ABL1: variants seen among roughly 807,000 people sequenced by gnomAD.
The protein encoded by ABL1 is tyrosine-protein kinase ABL1.
A neutral mutation model predicts 94.7 loss-of-function variants in ABL1; 11 were observed. The ratio of observed to expected loss-of-function variants is 0.12; its 90% CI spans 0.07 to 0.19. The LOEUF is 0.19. Ranked by LOEUF, ABL1 falls within the 10% of genes least tolerant of loss-of-function variation. The pLI, the probability that ABL1 is intolerant of heterozygous loss-of-function variation, is 1.00. For missense variants in ABL1, 1,082 were observed against 1,489.4 expected, an observed-to-expected ratio of 0.73 and a Z score of 4.50; for synonymous variants, 656 against 622.4, an observed-to-expected ratio of 1.05 and a Z score of -0.80.
intron 4 of ABL1, among the ~76,000 whole-genome samples, chr9:130,871,318 C>T (rs1300932117): frequency 1.3e-5 from 2 of 152,216 alleles, no homozygotes; most frequent in African/African-American, 4.8e-5. Context: ...CCCCAGGGCT[C>T]AGTGCCACGG....
At chr9:130,772,835 A>G (rs1208282324) in intron 1 of ABL1, among the ~76,000 whole-genome samples, 1 of 152,242 alleles carries the variant, frequency 6.6e-6, no homozygotes, top group Admixed American at 6.5e-5. Flanking sequence ...CATGATAGAC[A>G]AACTTTAGGG....
At chr9:130,876,403 T>G (rs1016168383) in intron 7 of ABL1, among the ~76,000 whole-genome samples, 2 of 135,922 alleles carry the variant, frequency 1.5e-5, no homozygotes, top group Non-Finnish European at 3.0e-5. Flanking sequence ...AATAACAAAT[T>G]ACTTTTTCTT....
rs71389345 is a variant in ABL1, at chr9:130,750,644, C to CTTTTTTTTTT, written c.136+36200_136+36209dup. Among the ~76,000 whole-genome samples the CTTTTTTTTTT allele has an allele frequency of 6.3e-4, 55 of 87,286 alleles. 1 individual carries two copies. Among genetic ancestry groups the CTTTTTTTTTT allele is most frequent in the Admixed American group, 9.7e-4 (6 of 6,192 alleles). 57.3% of individuals were successfully genotyped at this position (87,286 alleles called of 152,430 possible). A position where few individuals can be genotyped will look rare whatever the true frequency, so the allele number is the denominator to read the frequency against. On this transcript the variant is annotated intron_variant, in intron 1 of 10. Coordinates refer to the ABL1 transcript ENST00000372348. ...TTCTTTTTCTTTTTTCTTTTTCTTT[C>CTTTTTTTTTT]TTTTTTTTTTTTTTTTTTTTGAGAC...
intron 1 of ABL1, among the ~76,000 whole-genome samples, chr9:130,761,262 C>T (rs1314533706): frequency 2.0e-5 from 3 of 152,102 alleles, no homozygotes; most frequent in African/African-American, 7.2e-5. Flanking sequence ...CCACTGCGCC[C>T]GGCCTATTTC....
intron 1 of ABL1, among the ~76,000 whole-genome samples, chr9:130,737,401 G>A (rs1428869603): frequency 6.6e-6 from 1 of 151,882 alleles, no homozygotes; most frequent in Non-Finnish European, 1.5e-5. Context: ...CCAAATAGCT[G>A]GGACTACACG....
intron 1 of ABL1, among the ~76,000 whole-genome samples, chr9:130,806,163 A>G (rs1238782691): frequency 1.3e-5 from 2 of 152,226 alleles, no homozygotes; most frequent in Non-Finnish European, 1.5e-5. Context: ...CACCAGGTAG[A>G]ATCCCAGCAA....
chr9:130,716,073 T>C (rs1465629605), intron 1 of ABL1, among the ~76,000 whole-genome samples: 7 of 10,674 alleles, frequency 6.6e-4, no homozygotes, highest in Admixed American at 5.9e-3. Context: ...AAAAATGTCC[T>C]TTTTTTTTTT....
intron 3 of ABL1, among the ~76,000 whole-genome samples, chr9:130,859,971 T>A (rs536949689): frequency 4.6e-5 from 7 of 152,224 alleles, no homozygotes; most frequent in East Asian, 1.9e-4. Flanking sequence ...GAGCCACTGC[T>A]CCTGGCAAAA....
In ABL1 at chr9:130,885,180, C is replaced by T; in HGVS notation, c.2890C>T (p.Pro964Ser). The change falls in exon 11 of 11, where the codon CCA becomes TCA. Residue 964 changes from proline (P) to serine (S), a missense_variant. Physicochemically the swap from Pro to Ser is moderately conservative, Grantham distance 74. Around this residue, in one of 7 missense-constraint regions of ABL1, gnomAD observed 780 missense variants for 835.8 expected, o/e 0.93. Transcript: ENST00000318560. ...CAAAAAGCCCGTGCTCCCGGCCACT[C>T]CAAAGCCACAGTCCGCCAAGCCGTC... Reference protein sequence around the residue: ...GLKKPVLPATPKPQSAKPSGT... With the variant: ...GLKKPVLPATSKPQSAKPSGT... 1 of 1,613,498 alleles carries T rather than the reference C, an allele frequency of 6.2e-7. No homozygotes were observed. Among genetic ancestry groups the T allele is most frequent in the South Asian group, 1.1e-5 (1 of 91,078 alleles).
At chr9:130,761,189 G>A (rs1170193188) in intron 1 of ABL1, among the ~76,000 whole-genome samples, 4 of 152,066 alleles carry the variant, frequency 2.6e-5, no homozygotes, top group Non-Finnish European at 5.9e-5. Context: ...GGATGGTCTC[G>A]ATCTCCTGAC....
intron 1 of ABL1, among the ~76,000 whole-genome samples, chr9:130,800,715 A>C (rs1830043108): frequency 6.6e-6 from 1 of 152,084 alleles, no homozygotes; most frequent in South Asian, 2.1e-4. Flanking sequence ...CTCCTGTTGT[A>C]TGTATTTACA....
At chr9:130,743,790 C>T (rs1831849716) in intron 1 of ABL1, among the ~76,000 whole-genome samples, 1 of 152,060 alleles carries the variant, frequency 6.6e-6, no homozygotes, top group South Asian at 2.1e-4. Flanking sequence ...GTGATTGAGA[C>T]ATGGTCACTG....
Position 130,835,342 on chromosome 9 carries a change from G to A in ABL1, c.-105G>A. The A allele has an allele frequency of 3.1e-6, 1 of 322,568 alleles. No individual in the cohort carries two copies. Among genetic ancestry groups the A allele is most frequent in the Non-Finnish European group, 3.4e-6 (1 of 292,146 alleles). The allele number at this position is 322,568 out of a possible 1,614,324, so 20.0% of individuals were successfully genotyped here. Reference sequence around the variant, plus strand: ...GGGGCGGCGGTGAGGGCGGCTGGCGGGGCCGGGGGCGCCGGGGGGGCGCGC... The same window carrying A: ...GGGGCGGCGGTGAGGGCGGCTGGCGAGGCCGGGGGCGCCGGGGGGGCGCGC... On this transcript the variant is annotated 5_prime_UTR_variant, in exon 1 of 11. Coordinates refer to ENST00000318560, the MANE Select transcript of ABL1 (RefSeq NM_005157.6). The surrounding 1 kb of genome is among the most constrained non-coding windows in gnomAD (Gnocchi z 4.6).
At chr9:130,796,160 G>A (rs985009508) in intron 1 of ABL1, among the ~76,000 whole-genome samples, 1 of 152,098 alleles carries the variant, frequency 6.6e-6, no homozygotes, top group African/African-American at 2.4e-5. Flanking sequence ...GTCACGGAGT[G>A]AGACTCCGTC....
At chr9:130,747,373 C>T (rs1831900808) in intron 1 of ABL1, among the ~76,000 whole-genome samples, 2 of 151,596 alleles carry the variant, frequency 1.3e-5, no homozygotes, top group Non-Finnish European at 2.9e-5. Flanking sequence ...AAGACCCTGT[C>T]TCAAAAAACC....
chr9:130,809,437 T>TGC (rs1315065659), intron 1 of ABL1, among the ~76,000 whole-genome samples: 105 of 148,974 alleles, frequency 7.0e-4, no homozygotes, highest in African/African-American at 2.6e-3. Flanking sequence ...TGTGTGTGTG[T>TGC]GTGTGTGCAC....
chr9:130,785,940 A>G (rs1454922705), intron 1 of ABL1, among the ~76,000 whole-genome samples: 1 of 151,022 alleles, frequency 6.6e-6, no homozygotes, highest in Non-Finnish European at 1.5e-5. Flanking sequence ...AAAAAAAAAA[A>G]AAAAAAAAAA....
Position 130,766,927 on chromosome 9 carries a change from TTAGAG to T in ABL1, c.136+52475_136+52479del, listed in dbSNP as rs150387700. Among the ~76,000 whole-genome samples the T allele has an allele frequency of 8.2e-3, 1,247 of 152,260 alleles. 17 individuals carry two copies. Among genetic ancestry groups the T allele is most frequent in the African/African-American group, 0.029 (1,192 of 41,552 alleles). On this transcript the variant is annotated intron_variant, in intron 1 of 10. Transcript: ENST00000372348. ...GTCCCTCGATGGGTACCCATCTCAG[TTAGAG>T]TAATGTTCAGCTTCTCTCCACAGCC... is the stretch of plus-strand genomic sequence containing the variant.
chr9:130,715,978 C>T (rs1831432134), intron 1 of ABL1, among the ~76,000 whole-genome samples: 4 of 150,718 alleles, frequency 2.7e-5, no homozygotes, highest in Non-Finnish European at 5.9e-5. Context: ...GTAGTCATTG[C>T]ATTCTTCATG....
Sources: allele counts gnomAD v4.1 joint callset (sites outside exome capture counted in the v4.1 genomes callset), GRCh38; gene constraint gnomAD v4.1.1; regional missense constraint gnomAD v4.1.1; non-coding constraint Gnocchi (gnomAD v3.1); transcripts MANE v1.5; gene names NCBI Gene and HGNC (gene_info 2026-07-23, HGNC 2026-07-21).